IQCH: variants seen among roughly 807,000 people sequenced by gnomAD.
IQCH encodes IQ domain-containing protein H.
Under a neutral mutation model 117.0 loss-of-function variants are expected in IQCH, and 98 were observed. The observed-to-expected ratio is 0.84, with a 90% CI of 0.71 to 0.99. The LOEUF is 0.99. Among genes scored for constraint, IQCH ranks in the 50% least tolerant of loss-of-function variants. IQCH has a pLI of 0.00. For missense variants in IQCH, 1,102 were observed against 1,243.8 expected (o/e 0.89, Z 1.72); for synonymous variants, 412 against 448.2 (o/e 0.92, Z 1.02).
rs149104970 is a variant in IQCH at position 67,298,080 on chromosome 15, G to A, written c.387+18568G>A. Among the ~76,000 whole-genome samples, 404 of 152,170 alleles carry A rather than the reference G, an allele frequency of 2.7e-3. 11 individuals carry two copies. In the East Asian group the frequency reaches 0.067, roughly 25 times the overall value. ...TCCCAGCACTTTGGGAGGCCGAGGC[G>A]GGTGGATCTTCTGAGGTCAGGAGTT... On this transcript the variant is annotated intron_variant, in intron 4 of 20. Transcript: ENST00000335894.
chr15:67,423,289 G>C (rs1031185550), intron 16 of IQCH, among the ~76,000 whole-genome samples: 1 of 152,146 alleles, frequency 6.6e-6, no homozygotes, highest in African/African-American at 2.4e-5. Flanking sequence ...AGATTGGCTG[G>C]GTGTGGTGGC....
At chr15:67,325,280 T>A (rs1287031971) in intron 4 of IQCH, among the ~76,000 whole-genome samples, 1 of 152,182 alleles carries the variant, frequency 6.6e-6, no homozygotes, top group Non-Finnish European at 1.5e-5. Context: ...ACATTTAATT[T>A]CTCTGCCAAG....
At chr15:67,324,383 G>C (rs1004208919) in intron 4 of IQCH, among the ~76,000 whole-genome samples, 3 of 151,432 alleles carry the variant, frequency 2.0e-5, no homozygotes, top group East Asian at 1.9e-4. Context: ...AGGCCAAGGC[G>C]GGCGATCATT....
chr15:67,452,957 C>G (rs563593288), intron 16 of IQCH, among the ~76,000 whole-genome samples: 40 of 152,264 alleles, frequency 2.6e-4, no homozygotes, highest in South Asian at 6.2e-4. Flanking sequence ...CTCCTCTTCT[C>G]GCTTCATTTC....
intron 1 of IQCH, among the ~76,000 whole-genome samples, chr15:67,257,796 A>T (rs1452521268): frequency 6.6e-6 from 1 of 152,274 alleles, no homozygotes; most frequent in East Asian, 1.9e-4. Flanking sequence ...TTTAATTAAA[A>T]TCCAACAATT....
chr15:67,371,669 A>G, intron 8 of IQCH: 4 of 571,964 alleles, frequency 7.0e-6, no homozygotes, highest in Non-Finnish European at 1.2e-5. Flanking sequence ...GCACATTTGA[A>G]GTTATCCTAA....
chr15:67,456,111 G>T lies in IQCH; in HGVS notation c.2506-9016G>T, dbSNP rs968109685. 6.6e-6 allele frequency among the ~76,000 whole-genome samples: 1 copy of T among 152,026 alleles called. No individual in the cohort carries two copies. Among genetic ancestry groups the T allele is most frequent in the Non-Finnish European group, 1.5e-5 (1 of 68,014 alleles). ...GAGGCTGCAGAAGAAACTCAGAAAAGGAAGCAGAGAAAGCAAGAGTATATT... is the reference window on the plus strand; with the variant it reads ...GAGGCTGCAGAAGAAACTCAGAAAATGAAGCAGAGAAAGCAAGAGTATATT... On this transcript the variant is annotated intron_variant, in intron 16 of 20. Coordinates refer to ENST00000335894, the MANE Select transcript of IQCH (RefSeq NM_001031715.3). The surrounding 1 kb of genome is among the most constrained non-coding windows in gnomAD (Gnocchi z 5.1).
chr15:67,270,184 C>T (rs1965844065), intron 3 of IQCH, among the ~76,000 whole-genome samples: 1 of 152,150 alleles, frequency 6.6e-6, no homozygotes, highest in Non-Finnish European at 1.5e-5. Context: ...AATTTGACTT[C>T]TTCCTTTCCA....
Position 67,457,248 on chromosome 15 carries a change from A to G in IQCH, c.2506-7879A>G, listed in dbSNP as rs972987474. 1.3e-5 allele frequency among the ~76,000 whole-genome samples: 2 copies of G among 152,246 alleles called. No homozygotes were observed. The highest frequency in any genetic ancestry group is 6.5e-5 in the Admixed American group (1 of 15,292). ...CCATAATCACATTAGTATTTTACTA[A>G]TTGAAAATTCTTACAGTGGGGTGTA... is the stretch of plus-strand genomic sequence containing the variant. On this transcript the variant is annotated intron_variant, in intron 16 of 20. Transcript: ENST00000335894. The surrounding 1 kb of genome is among the most constrained non-coding windows in gnomAD (Gnocchi z 5.7).
Position 67,453,967 on chromosome 15 carries a change from T to C in IQCH, c.2506-11160T>C, listed in dbSNP as rs2082597659. On this transcript the variant is annotated intron_variant, in intron 16 of 20. Transcript: ENST00000335894. This position sits in a 1 kb window ranked among gnomAD's most constrained non-coding sequence, Gnocchi z 5.8. ...CCCCAGCCTCGCTGCCGCCTTGCAG[T>C]TCGATCTGGGACTGCTGTGCTAGCA... Among the ~76,000 whole-genome samples, 1 of 152,146 alleles carries C rather than the reference T, an allele frequency of 6.6e-6. No individual in the cohort carries two copies. Among genetic ancestry groups the C allele is most frequent in the South Asian group, 2.1e-4 (1 of 4,824 alleles).
At chr15:67,267,250 T>C (rs1306378499) in intron 3 of IQCH, among the ~76,000 whole-genome samples, 1 of 152,236 alleles carries the variant, frequency 6.6e-6, no homozygotes, top group Non-Finnish European at 1.5e-5. Context: ...CATCATCTTA[T>C]GTGTCACCTG....
rs200802324 is a variant in IQCH, at chr15:67,435,009, AT to A, written c.2505+13439del. Among the ~76,000 whole-genome samples, 5 of 143,976 alleles carry A rather than the reference AT, an allele frequency of 3.5e-5. No homozygotes were observed. In the East Asian group the frequency reaches 6.2e-4, roughly 18 times the overall value. The allele number at this position is 143,976 out of a possible 152,430, so 94.5% of individuals were successfully genotyped here. A position where few individuals can be genotyped will look rare whatever the true frequency, so the allele number is the denominator to read the frequency against. On this transcript the variant is annotated intron_variant, in intron 16 of 20. Transcript: ENST00000335894. Reference sequence around the variant, plus strand: ...TTTGTTTTTTTTTTAATTTTTTTTAATTTTTTTAAGCTAATTTTTGTATTTT... The same window carrying A: ...TTTGTTTTTTTTTTAATTTTTTTTAATTTTTTAAGCTAATTTTTGTATTTT...
chr15:67,410,627 T>C (rs1239465866), intron 14 of IQCH, among the ~76,000 whole-genome samples: 2 of 152,214 alleles, frequency 1.3e-5, no homozygotes, highest in Non-Finnish European at 1.5e-5. Context: ...GCTTTGCTCA[T>C]CAGGGCCAAT....
chr15:67,474,782 T>C lies in IQCH; in HGVS notation c.2677-914T>C, dbSNP rs2083163645. 6.6e-6 allele frequency among the ~76,000 whole-genome samples: 1 copy of C among 152,226 alleles called. No individual in the cohort carries two copies. The highest frequency in any genetic ancestry group is 1.5e-5 in the Non-Finnish European group (1 of 68,032). ...TACAGCAGAGAAATCTGTAAAGTTT[T>C]TTCACAAGCTTCAAAAGCCACTGTA... On this transcript the variant is annotated intron_variant, in intron 17 of 20. Coordinates refer to ENST00000335894, the MANE Select transcript of IQCH (RefSeq NM_001031715.3). This position sits in a 1 kb window ranked among gnomAD's most constrained non-coding sequence, Gnocchi z 4.1.
At position 67,473,876 on chromosome 15, in the gene IQCH, G is replaced by A. The variant is rs1439239964; in HGVS notation, c.2677-1820G>A. ...GCTACAAGTGGGGTAAACAACTCAAGATGTATTAGCCTGTGGGGGCCTAAC... is the reference window on the plus strand; with the variant it reads ...GCTACAAGTGGGGTAAACAACTCAAAATGTATTAGCCTGTGGGGGCCTAAC... On this transcript the variant is annotated intron_variant, in intron 17 of 20. Transcript: ENST00000335894. The surrounding 1 kb of genome is among the most constrained non-coding windows in gnomAD (Gnocchi z 4.9). 1.3e-5 allele frequency among the ~76,000 whole-genome samples: 2 copies of A among 152,140 alleles called. No homozygotes were observed. Among genetic ancestry groups the A allele is most frequent in the Admixed American group, 6.5e-5 (1 of 15,280 alleles).
Position 67,296,026 on chromosome 15 carries a change from A to C in IQCH, c.387+16514A>C, listed in dbSNP as rs8032524. Among the ~76,000 whole-genome samples, 471 of 152,300 alleles carry C rather than the reference A, an allele frequency of 3.1e-3. 3 individuals are homozygous for C. Among genetic ancestry groups the C allele is most frequent in the African/African-American group, 0.011 (454 of 41,584 alleles). On this transcript the variant is annotated intron_variant, in intron 4 of 20. Transcript: ENST00000335894. ...CCCATTATCCTAGTGTATTTTATTT[A>C]GAGCATTTAGGGCAATCTGAAATTA...
rs1346692427 is a variant in IQCH, at chr15:67,430,636, T to C, written c.2505+9059T>C. On this transcript the variant is annotated intron_variant, in intron 16 of 20. Transcript: ENST00000335894. This position sits in a 1 kb window ranked among gnomAD's most constrained non-coding sequence, Gnocchi z 5.1. ...TGGTCATATTTGGCCAGCCACCTGA[T>C]TATTATTTGTTGATTTATGGACTTT... 6.6e-6 allele frequency among the ~76,000 whole-genome samples: 1 copy of C among 152,210 alleles called. No individual in the cohort carries two copies. The highest frequency in any genetic ancestry group is 2.4e-5 in the African/African-American group (1 of 41,448).
rs915428491 is a variant in IQCH at position 67,475,634 on chromosome 15, G to A, written c.2677-62G>A. Reference sequence around the variant, plus strand: ...TTCGCAATTTTCCTGTTAATCTCAAGTATTCCAAAATTACAAGTTTATTTA... The same window carrying A: ...TTCGCAATTTTCCTGTTAATCTCAAATATTCCAAAATTACAAGTTTATTTA... On this transcript the variant is annotated intron_variant, in intron 17 of 20. Coordinates refer to ENST00000335894, the MANE Select transcript of IQCH (RefSeq NM_001031715.3). The surrounding 1 kb of genome is among the most constrained non-coding windows in gnomAD (Gnocchi z 5.7). 29 of 1,496,512 alleles carry A rather than the reference G, an allele frequency of 1.9e-5. No homozygotes were observed. Among genetic ancestry groups the A allele is most frequent in the Admixed American group, 3.5e-5 (2 of 56,542 alleles). The allele number at this position is 1,496,512 out of a possible 1,614,324, so 92.7% of individuals were successfully genotyped here.
chr15:67,360,941 G>A lies in IQCH; in HGVS notation c.753+1056G>A, dbSNP rs367960397. Among the ~76,000 whole-genome samples, 56 of 152,362 alleles carry A rather than the reference G, an allele frequency of 3.7e-4. No individual in the cohort carries two copies. In the South Asian group the frequency reaches 0.012, roughly 32 times the overall value. On this transcript the variant is annotated intron_variant, in intron 8 of 20. Transcript: ENST00000335894. The stretch of plus-strand genomic sequence containing the variant: ...GAAAAGTGTGAGCTTGATTCTGCAG[G>A]TTAAAAATAGGATGTGTTTACGAAC...
Sources: allele counts gnomAD v4.1 joint callset (sites outside exome capture counted in the v4.1 genomes callset), GRCh38; gene constraint gnomAD v4.1.1; non-coding constraint Gnocchi (gnomAD v3.1); transcripts MANE v1.5; gene names NCBI Gene and HGNC (gene_info 2026-07-23, HGNC 2026-07-21).